CCSER1: variants seen among roughly 807,000 people sequenced by gnomAD.
CCSER1 encodes coiled-coil serine rich protein 1.
In CCSER1, 41 loss-of-function variants were observed where a neutral mutation model predicts 82.0. That is an observed-to-expected ratio of 0.50 (90% CI 0.39 to 0.65). The LOEUF (loss-of-function observed/expected upper bound fraction) is 0.65. Ranked by LOEUF, CCSER1 falls within the 30% of genes least tolerant of loss-of-function variation. The probability of loss-of-function intolerance (pLI) is 0.00; values close to 1 mark genes in which losing one functional copy is unlikely to be tolerated. For missense variants in CCSER1, 1,119 were observed against 1,064.2 expected, an observed-to-expected ratio of 1.05 and a Z score of -0.72; for synonymous variants, 414 against 383.9, an observed-to-expected ratio of 1.08 and a Z score of -0.92.
At chr4:90,918,654 T>TATATATATATA (rs1561363101) in intron 8 of CCSER1, among the ~76,000 whole-genome samples, 2 of 151,326 alleles carry the variant, frequency 1.3e-5, no homozygotes, top group Admixed American at 6.6e-5. Context: ...TATATATATA[T>TATATATATATA]TAGTAATAAA....
At chr4:90,229,771 G>A (rs954552383) in intron 1 of CCSER1, among the ~76,000 whole-genome samples, 3 of 152,114 alleles carry the variant, frequency 2.0e-5, no homozygotes, top group Admixed American at 6.5e-5. Flanking sequence ...AAAGGATAGA[G>A]GAAGATCTAC....
At chr4:91,271,943 A>G (rs1045057068) in intron 10 of CCSER1, among the ~76,000 whole-genome samples, 4 of 152,112 alleles carry the variant, frequency 2.6e-5, no homozygotes, top group African/African-American at 7.2e-5. Context: ...TAGTAAAGAC[A>G]GGGTTTCACC....
rs1260108566 is a variant in CCSER1, at chr4:91,057,121, A to G, written c.2173-28829A>G. 2.6e-5 allele frequency among the ~76,000 whole-genome samples: 4 copies of G among 152,152 alleles called. No homozygotes were observed. The East Asian group carries it at 7.7e-4, about 29-fold the overall frequency. On this transcript the variant is annotated intron_variant, in intron 9 of 10. Coordinates refer to ENST00000509176, the MANE Select transcript of CCSER1 (RefSeq NM_001145065.2). Reference sequence around the variant, plus strand: ...TAGAACAAAGATCCCTGATATTTGGAGGACAAGGTCCTTATTGCCCACCCT... The same window carrying G: ...TAGAACAAAGATCCCTGATATTTGGGGGACAAGGTCCTTATTGCCCACCCT...
chr4:91,181,470 T>G (rs1344288960), intron 10 of CCSER1, among the ~76,000 whole-genome samples: 4 of 152,210 alleles, frequency 2.6e-5, no homozygotes, highest in African/African-American at 9.6e-5. Context: ...TTCTTTTAAT[T>G]TTAAATCCTT....
chr4:91,169,427 C>A (rs921579545), intron 10 of CCSER1, among the ~76,000 whole-genome samples: 4 of 152,030 alleles, frequency 2.6e-5, no homozygotes, highest in Non-Finnish European at 5.9e-5. Flanking sequence ...TTGAAACCAG[C>A]CTGGCCACCG....
chr4:91,567,283 G>A (rs1242921866), intron 10 of CCSER1, among the ~76,000 whole-genome samples: 1 of 152,012 alleles, frequency 6.6e-6, no homozygotes, highest in African/African-American at 2.4e-5. Flanking sequence ...CATTTGTTGA[G>A]GATTGTTTTA....
intron 10 of CCSER1, among the ~76,000 whole-genome samples, chr4:91,382,811 T>C (rs1751011223): frequency 6.6e-6 from 1 of 152,140 alleles, no homozygotes; most frequent in African/African-American, 2.4e-5. Context: ...TGCTGGGAGC[T>C]GTAGACTGGA....
At chr4:90,555,127 T>G (rs1255928483) in intron 5 of CCSER1, among the ~76,000 whole-genome samples, 1 of 152,132 alleles carries the variant, frequency 6.6e-6, no homozygotes, top group African/African-American at 2.4e-5. Flanking sequence ...TTTTTTTCAT[T>G]TGGGGTCTTC....
chr4:90,167,917 T>C (rs943110379), intron 1 of CCSER1, among the ~76,000 whole-genome samples: 4 of 152,104 alleles, frequency 2.6e-5, no homozygotes, highest in African/African-American at 7.2e-5. Context: ...CTATTGTGAA[T>C]GGTGCCACGA....
At chr4:90,225,434 A>G (rs538166250) in intron 1 of CCSER1, among the ~76,000 whole-genome samples, 2 of 152,162 alleles carry the variant, frequency 1.3e-5, no homozygotes, top group Admixed American at 6.5e-5. Context: ...TGGAAAAACA[A>G]GCAACCTAAA....
chr4:90,821,122 GT>G (rs556013560), intron 8 of CCSER1, among the ~76,000 whole-genome samples: 1 of 152,000 alleles, frequency 6.6e-6, no homozygotes, highest in Non-Finnish European at 1.5e-5. Context: ...TCATTTCATT[GT>G]TTTTTGCATG....
chr4:90,494,722 T>G (rs925981139), intron 5 of CCSER1, among the ~76,000 whole-genome samples: 1 of 152,154 alleles, frequency 6.6e-6, no homozygotes, highest in Non-Finnish European at 1.5e-5. Context: ...AGACTACCTA[T>G]TTTTTGCAAA....
At chr4:90,515,267 A>T (rs909839885) in intron 5 of CCSER1, among the ~76,000 whole-genome samples, 7 of 152,244 alleles carry the variant, frequency 4.6e-5, no homozygotes, top group Non-Finnish European at 1.0e-4. Context: ...AATGACATTT[A>T]AAATTCTTGT....
intron 10 of CCSER1, among the ~76,000 whole-genome samples, chr4:91,290,424 C>T (rs1743656318): frequency 6.6e-6 from 1 of 151,954 alleles, no homozygotes; most frequent in Non-Finnish European, 1.5e-5. Context: ...TGCCTCTAAC[C>T]TCTACAGTAG....
chr4:90,970,296 G>A (rs1734974706), intron 9 of CCSER1, among the ~76,000 whole-genome samples: 1 of 151,776 alleles, frequency 6.6e-6, no homozygotes, highest in Non-Finnish European at 1.5e-5. Context: ...AAGACAGTAA[G>A]GGTGAGTATA....
intron 1 of CCSER1, among the ~76,000 whole-genome samples, chr4:90,161,683 A>C (rs1729476633): frequency 6.6e-6 from 1 of 152,154 alleles, no homozygotes; most frequent in South Asian, 2.1e-4. Context: ...ATCAGTGTGA[A>C]TTAATAATAA....
chr4:90,278,123 A>T (rs11937018), intron 1 of CCSER1, among the ~76,000 whole-genome samples: 1,897 of 152,278 alleles, frequency 0.012, 51 homozygotes, highest in African/African-American at 0.043. Context: ...TCAAAATCAC[A>T]GTGAGATACC....
chr4:90,297,420 A>T (rs576527614), intron 1 of CCSER1, among the ~76,000 whole-genome samples: 72 of 152,096 alleles, frequency 4.7e-4, no homozygotes, highest in African/African-American at 1.6e-3. Context: ...TTCTAGATAT[A>T]TAATCATGTC....
chr4:90,492,700 G>T (rs551980610), intron 5 of CCSER1, among the ~76,000 whole-genome samples: 1 of 152,300 alleles, frequency 6.6e-6, no homozygotes, highest in African/African-American at 2.4e-5. Flanking sequence ...ATGTGTCCCA[G>T]AGATTCTGAT....
Sources: allele counts gnomAD v4.1 joint callset (sites outside exome capture counted in the v4.1 genomes callset), GRCh38; gene constraint gnomAD v4.1.1; transcripts MANE v1.5; gene names NCBI Gene and HGNC (gene_info 2026-07-23, HGNC 2026-07-21).